The following PPP1R9A variants were observed in gnomAD, a reference collection of about 807,000 sequenced individuals.
PPP1R9A encodes protein phosphatase 1 regulatory subunit 9A, also known as neurabin-1.
Under a neutral mutation model 141.9 loss-of-function variants are expected in PPP1R9A, and 59 were observed. The ratio of observed to expected loss-of-function variants is 0.42; its 90% CI spans 0.34 to 0.52. PPP1R9A has a LOEUF of 0.52. PPP1R9A is among the 20% of genes least tolerant of loss of function. The pLI, the probability that PPP1R9A is intolerant of heterozygous loss-of-function variation, is 0.10. For synonymous variants in PPP1R9A, 500 were observed against 569.7 expected, an observed-to-expected ratio of 0.88 and a Z score of 1.74; for missense variants, 1,444 against 1,611.9, an observed-to-expected ratio of 0.90 and a Z score of 1.78.
In PPP1R9A at chr7:95,273,924, A is replaced by G; in HGVS notation, c.3150A>G (p.Leu1050=). The G allele has an allele frequency of 6.6e-7, 1 of 1,504,900 alleles. No homozygotes were observed. The highest frequency in any genetic ancestry group is 9.1e-7 in the Non-Finnish European group (1 of 1,095,196). The allele number at this position is 1,504,900 out of a possible 1,614,324, so 93.2% of individuals were successfully genotyped here. A position where few individuals can be genotyped will look rare whatever the true frequency, so the allele number is the denominator to read the frequency against. ...EKDDAKDPKS[L]RASSSLAVQG... ...ATGATGCCAAAGATCCCAAATCACTAAGGGCATCCAGTTCATTGGCGGTGC... is the reference window on the plus strand; with the variant it reads ...ATGATGCCAAAGATCCCAAATCACTGAGGGCATCCAGTTCATTGGCGGTGC... Residue 1050 remains leucine (L), a synonymous_variant, in exon 15 of 20, where the codon CTA becomes CTG. Transcript: ENST00000433360.
intron 2 of PPP1R9A, among the ~76,000 whole-genome samples, chr7:95,001,644 T>C (rs1457111077): frequency 1.3e-5 from 2 of 152,158 alleles, no homozygotes; most frequent in Admixed American, 6.5e-5. Flanking sequence ...GATTTGTGAG[T>C]CCAATCCAAC....
chr7:94,923,414 C>T (rs1191426179), intron 2 of PPP1R9A, among the ~76,000 whole-genome samples: 1 of 152,140 alleles, frequency 6.6e-6, no homozygotes, highest in Non-Finnish European at 1.5e-5. Flanking sequence ...TATTGAGCCT[C>T]AACAGGCTTG....
intron 5 of PPP1R9A, among the ~76,000 whole-genome samples, chr7:95,164,539 T>C (rs1030124231): frequency 7.9e-5 from 12 of 152,100 alleles, no homozygotes; most frequent in African/African-American, 2.9e-4. Context: ...GTTTCTATTA[T>C]GCTTTGGTTA....
At chr7:95,161,087 A>T (rs1830406372) in intron 4 of PPP1R9A, among the ~76,000 whole-genome samples, 1 of 152,186 alleles carries the variant, frequency 6.6e-6, no homozygotes, top group Non-Finnish European at 1.5e-5. Flanking sequence ...TTCTTTGAGA[A>T]ATCTTTAAAC....
At chr7:95,046,751 T>C (rs1314918302) in intron 2 of PPP1R9A, among the ~76,000 whole-genome samples, 1 of 152,230 alleles carries the variant, frequency 6.6e-6, no homozygotes, top group African/African-American at 2.4e-5. Context: ...TTTCAATTGC[T>C]TGTTTCTAAA....
At chr7:95,248,667 G>A (rs754004794) in intron 9 of PPP1R9A, among the ~76,000 whole-genome samples, 1 of 151,838 alleles carries the variant, frequency 6.6e-6, no homozygotes, top group East Asian at 1.9e-4. Flanking sequence ...TTTTAATGGC[G>A]CTTATGTATT....
chr7:95,033,354 A>G (rs1807981388), intron 2 of PPP1R9A, among the ~76,000 whole-genome samples: 1 of 151,418 alleles, frequency 6.6e-6, no homozygotes. Context: ...TCCTTTGTCT[A>G]TTTTTCATTC....
chr7:95,120,800 A>T lies in PPP1R9A; in HGVS notation c.1617A>T (p.Val539=), dbSNP rs1383409786. 1.2e-6 allele frequency: 2 copies of T among 1,614,036 alleles called. No individual in the cohort carries two copies. Among genetic ancestry groups the T allele is most frequent in the Admixed American group, 3.3e-5 (2 of 60,018 alleles). Residue 539 remains valine (V), a synonymous_variant, in exon 4 of 20, where the codon GTA becomes GTT. Transcript: ENST00000433360. ...AGCTGGGAATATTCGTCAAGACAGT[A>T]ACAGAAGGTGGTGCTGCTCAACGGG... The part of the protein sequence containing the change: ...LEKLGIFVKT[V]TEGGAAQRDG...
chr7:95,008,602 A>G (rs1803958037), intron 2 of PPP1R9A, among the ~76,000 whole-genome samples: 1 of 152,202 alleles, frequency 6.6e-6, no homozygotes, highest in African/African-American at 2.4e-5. Context: ...TGGGATCACC[A>G]TGTACGTTGT....
intron 2 of PPP1R9A, among the ~76,000 whole-genome samples, chr7:95,091,178 A>G (rs1003569147): frequency 6.6e-6 from 1 of 151,526 alleles, no homozygotes; most frequent in African/African-American, 2.4e-5. Flanking sequence ...GTGCAGAAAT[A>G]TTTCTGTATA....
At chr7:94,960,180 T>C (rs1309149756) in intron 2 of PPP1R9A, among the ~76,000 whole-genome samples, 6 of 151,218 alleles carry the variant, frequency 4.0e-5, no homozygotes, top group Admixed American at 2.6e-4. Flanking sequence ...TTTTTTTTTT[T>C]TTTTCTTCAT....
At chr7:95,085,756 C>T (rs1440054714) in intron 2 of PPP1R9A, among the ~76,000 whole-genome samples, 1 of 151,928 alleles carries the variant, frequency 6.6e-6, no homozygotes, top group Admixed American at 6.6e-5. Flanking sequence ...TATATTCTCT[C>T]AGTTTATAAC....
chr7:95,164,291 T>G (rs979679949), intron 5 of PPP1R9A, among the ~76,000 whole-genome samples: 1 of 152,210 alleles, frequency 6.6e-6, no homozygotes, highest in Non-Finnish European at 1.5e-5. Context: ...GGAATCTGAT[T>G]GCTTTAATTT....
chr7:95,151,245 T>C (rs1368159444), intron 4 of PPP1R9A, among the ~76,000 whole-genome samples: 2 of 152,190 alleles, frequency 1.3e-5, no homozygotes, highest in Non-Finnish European at 2.9e-5. Flanking sequence ...CTACACTGGG[T>C]GAATGTAAAA....
intron 2 of PPP1R9A, among the ~76,000 whole-genome samples, chr7:94,974,407 T>TA (rs1239013305): frequency 1.3e-5 from 2 of 152,216 alleles, no homozygotes; most frequent in Non-Finnish European, 2.9e-5. Flanking sequence ...AGTTGAGTGT[T>TA]ATCTTTATAT....
chr7:94,982,081 T>G (rs1426752918), intron 2 of PPP1R9A, among the ~76,000 whole-genome samples: 1 of 152,006 alleles, frequency 6.6e-6, no homozygotes. Flanking sequence ...AGTGTTTGGT[T>G]TTCCATCCTT....
At chr7:95,066,833 A>G (rs1370317675) in intron 2 of PPP1R9A, among the ~76,000 whole-genome samples, 1 of 152,198 alleles carries the variant, frequency 6.6e-6, no homozygotes, top group Non-Finnish European at 1.5e-5. Flanking sequence ...ACGTGAGTGA[A>G]TATTGAGATA....
intron 3 of PPP1R9A, among the ~76,000 whole-genome samples, chr7:95,118,912 G>A (rs946517079): frequency 2.0e-5 from 3 of 151,308 alleles, no homozygotes; most frequent in Non-Finnish European, 2.9e-5. Context: ...AACCCAGGAG[G>A]TTGAGGCTGC....
At chr7:95,113,230 A>C (rs1820880578) in intron 3 of PPP1R9A, among the ~76,000 whole-genome samples, 1 of 152,202 alleles carries the variant, frequency 6.6e-6, no homozygotes, top group Non-Finnish European at 1.5e-5. Flanking sequence ...ATATTCCAAA[A>C]AGAATTCTCA....
Sources: gnomAD v4.1 joint callset for allele counts (sites outside exome capture counted in the v4.1 genomes callset) on GRCh38, gnomAD v4.1.1 for gene constraint, MANE v1.5 for transcripts, NCBI Gene and HGNC (gene_info 2026-07-23, HGNC 2026-07-21) for gene names.